Variants in NFATC3 observed in about 807,000 individuals in gnomAD.
The protein encoded by NFATC3 is nuclear factor of activated T cells 3.
NFATC3 carries 46 observed loss-of-function variants against 98.6 expected under a neutral mutation model. That is an observed-to-expected ratio of 0.47 (90% CI 0.37 to 0.60). The LOEUF is 0.60. Ranked by LOEUF, NFATC3 falls within the 20% of genes least tolerant of loss-of-function variation. The pLI, the probability that NFATC3 is intolerant of heterozygous loss-of-function variation, is 0.00. For synonymous variants in NFATC3, 512 were observed against 472.2 expected, an observed-to-expected ratio of 1.08 and a Z score of -1.09; for missense variants, 1,256 against 1,295.5, an observed-to-expected ratio of 0.97 and a Z score of 0.47.
At chr16:68,220,536 AT>A (rs1335298645) in intron 9 of NFATC3, among the ~76,000 whole-genome samples, 1 of 151,868 alleles carries the variant, frequency 6.6e-6, no homozygotes, top group Non-Finnish European at 1.5e-5. Context: ...CTTATCTTAA[AT>A]TGGTGAAAAA....
chr16:68,109,117 G>A (rs772032184), intron 1 of NFATC3, among the ~76,000 whole-genome samples: 3 of 152,174 alleles, frequency 2.0e-5, no homozygotes, highest in Non-Finnish European at 2.9e-5. Context: ...ATGTTGAATA[G>A]GAGTGGTGAG....
chr16:68,198,844 CG>C (rs2040781992), intron 9 of NFATC3, among the ~76,000 whole-genome samples: 2 of 152,116 alleles, frequency 1.3e-5, no homozygotes, highest in African/African-American at 4.8e-5. Context: ...GTCAGGAGGT[CG>C]AGACCATCCT....
chr16:68,152,896 C>G (rs1195986633), intron 3 of NFATC3, among the ~76,000 whole-genome samples: 1 of 152,198 alleles, frequency 6.6e-6, no homozygotes, highest in Non-Finnish European at 1.5e-5. Context: ...AAGTGGCACT[C>G]TCATCACTTC....
At chr16:68,133,338 G>A (rs1204347756) in intron 3 of NFATC3, among the ~76,000 whole-genome samples, 1 of 152,090 alleles carries the variant, frequency 6.6e-6, no homozygotes, top group South Asian at 2.1e-4. Flanking sequence ...AATGTTTGAG[G>A]TGATATCTTA....
In NFATC3 at chr16:68,085,663, AGCACCCTGGGCCAC is replaced by A; in HGVS notation, c.-16_-3del. Reference sequence around the variant, plus strand: ...CCGCCGCCGCCTGAGGAGGAGCTGCAGCACCCTGGGCCACGCCGATGACTACTGCAAACTGTGGC... The same window carrying A: ...CCGCCGCCGCCTGAGGAGGAGCTGCAGCCGATGACTACTGCAAACTGTGGC... On this transcript the variant is annotated 5_prime_UTR_variant, in exon 1 of 10. Coordinates refer to ENST00000346183, the MANE Select transcript of NFATC3 (RefSeq NM_173165.3). The A allele has an allele frequency of 6.7e-7, 1 of 1,500,490 alleles. No individual in the cohort carries two copies. Among genetic ancestry groups the A allele is most frequent in the Non-Finnish European group, 8.9e-7 (1 of 1,127,024 alleles). 92.9% of individuals were successfully genotyped at this position (1,500,490 alleles called of 1,614,324 possible). A position where few individuals can be genotyped will look rare whatever the true frequency, so the allele number is the denominator to read the frequency against.
intron 2 of NFATC3, among the ~76,000 whole-genome samples, chr16:68,124,186 C>T (rs992441489): frequency 1.3e-5 from 2 of 151,992 alleles, no homozygotes; most frequent in Non-Finnish European, 2.9e-5. Flanking sequence ...ACTGCAGGTT[C>T]GACCTCCCAA....
rs1555522047 is a variant in NFATC3 at position 68,192,230 on chromosome 16, A to AAAAAAAAATATATAT, written c.3106+456_3106+457insAAAAAAATATATATA. 2 of 82,600 alleles carry AAAAAAAAATATATAT rather than the reference A, an allele frequency of 2.4e-5. 1 individual carries two copies. The highest frequency in any genetic ancestry group is 1.1e-4 in the African/African-American group (2 of 17,414). 5.1% of individuals were successfully genotyped at this position (82,600 alleles called of 1,614,324 possible). On this transcript the variant is annotated intron_variant, in intron 9 of 9. Coordinates refer to ENST00000346183, the MANE Select transcript of NFATC3 (RefSeq NM_173165.3). ...CTCGGGAAAAAAAAAAAAAAAAAAA[A>AAAAAAAAATATATAT]ATATATATATATATATATATATATG... is the stretch of plus-strand genomic sequence containing the variant.
intron 1 of NFATC3, among the ~76,000 whole-genome samples, chr16:68,087,768 C>T (rs558844345): frequency 3.9e-5 from 6 of 152,280 alleles, no homozygotes; most frequent in Admixed American, 2.6e-4. Context: ...TATGGTACCT[C>T]TTCTAGATAT....
At chr16:68,196,276 C>T (rs1393979525) in intron 9 of NFATC3, among the ~76,000 whole-genome samples, 11 of 152,026 alleles carry the variant, frequency 7.2e-5, no homozygotes, top group Non-Finnish European at 1.5e-4. Flanking sequence ...TGTACCACCA[C>T]GCCCAGCTAA....
At chr16:68,106,752 T>TA (rs1044075720) in intron 1 of NFATC3, among the ~76,000 whole-genome samples, 2 of 151,746 alleles carry the variant, frequency 1.3e-5, no homozygotes, top group African/African-American at 4.9e-5. Context: ...GTTTTTTTTT[T>TA]AATTTAATTT....
rs1269259018 is a variant in NFATC3, at chr16:68,194,534, G to A, written c.3106+2759G>A. Among the ~76,000 whole-genome samples the A allele has an allele frequency of 3.3e-5, 5 of 152,156 alleles. No individual in the cohort carries two copies. The East Asian group carries it at 9.6e-4, about 29-fold the overall frequency. On this transcript the variant is annotated intron_variant, in intron 9 of 9. Coordinates refer to ENST00000346183, the MANE Select transcript of NFATC3 (RefSeq NM_173165.3). Reference sequence around the variant, plus strand: ...TGAAATAAAGGCTTACGCAAATATTGGCTTTAAAAATGTTGCCTGTTTCTT... The same window carrying A: ...TGAAATAAAGGCTTACGCAAATATTAGCTTTAAAAATGTTGCCTGTTTCTT...
At chr16:68,155,280 G>T (rs1192284654) in intron 3 of NFATC3, among the ~76,000 whole-genome samples, 1 of 152,132 alleles carries the variant, frequency 6.6e-6, no homozygotes, top group Non-Finnish European at 1.5e-5. Flanking sequence ...GGAGAACTGA[G>T]ACCCCCCTCA....
Position 68,226,381 on chromosome 16 carries a change from G to C in NFATC3, c.3138G>C (p.Gln1046His). 1.3e-6 allele frequency: 2 copies of C among 1,568,902 alleles called. No homozygotes were observed. Among genetic ancestry groups the C allele is most frequent in the Non-Finnish European group, 1.7e-6 (2 of 1,162,778 alleles). Residue 1046 changes from glutamine (Q) to histidine (H), a missense_variant, in exon 10 of 10, where the codon CAG becomes CAC. By Grantham distance (24) the Gln-to-His change is conservative. Transcript: ENST00000346183. ...AGATAATTGGGAGAGACATGTCCCA[G>C]ATTTCTGTTTCCCAAGGAGCAGGGG... ...VNEIIGRDMS[Q>H]ISVSQGAGVS...
At chr16:68,222,289 C>CCAA (rs1372339245) in intron 9 of NFATC3, among the ~76,000 whole-genome samples, 45 of 26,418 alleles carry the variant, frequency 1.7e-3, no homozygotes, top group African/African-American at 3.9e-3. Context: ...ACCCCATTGC[C>CCAA]AAAAAAAAAA....
intron 9 of NFATC3, among the ~76,000 whole-genome samples, chr16:68,217,003 A>G (rs1258277371): frequency 6.6e-6 from 1 of 152,188 alleles, no homozygotes; most frequent in East Asian, 1.9e-4. Context: ...AAAAAAGTGA[A>G]GGATATCTTC....
intron 1 of NFATC3, among the ~76,000 whole-genome samples, chr16:68,114,767 G>A: frequency 6.6e-6 from 1 of 151,912 alleles, no homozygotes; most frequent in Non-Finnish European, 1.5e-5. Flanking sequence ...TAGAGACGGG[G>A]TTTCACCATG....
chr16:68,137,369 A>G (rs917663194), intron 3 of NFATC3, among the ~76,000 whole-genome samples: 6 of 152,148 alleles, frequency 3.9e-5, no homozygotes, highest in African/African-American at 1.4e-4. Context: ...AGATGTCACT[A>G]GGCAATAGGA....
intron 1 of NFATC3, among the ~76,000 whole-genome samples, chr16:68,115,464 C>T (rs2036224230): frequency 6.6e-6 from 1 of 152,014 alleles, no homozygotes; most frequent in South Asian, 2.1e-4. Context: ...TCTTGTCACA[C>T]AGGCTAGAGT....
chr16:68,099,209 G>T (rs2035206310), intron 1 of NFATC3, among the ~76,000 whole-genome samples: 1 of 152,160 alleles, frequency 6.6e-6, no homozygotes, highest in African/African-American at 2.4e-5. Flanking sequence ...TGAGGCCGGT[G>T]GATCACCTGA....
Sources: allele counts gnomAD v4.1 joint callset (sites outside exome capture counted in the v4.1 genomes callset), GRCh38; gene constraint gnomAD v4.1.1; transcripts MANE v1.5; gene names NCBI Gene and HGNC (gene_info 2026-07-23, HGNC 2026-07-21).